FOXP1: variants seen among roughly 807,000 people sequenced by gnomAD.
FOXP1 encodes the protein forkhead box protein P1.
FOXP1 carries 15 observed loss-of-function variants against 98.2 expected under a neutral mutation model. That is an observed-to-expected ratio of 0.15 (90% CI 0.10 to 0.24). The LOEUF is 0.24. FOXP1 is among the 10% of genes least tolerant of loss of function. The probability of loss-of-function intolerance (pLI) is 1.00; values close to 1 mark genes in which losing one functional copy is unlikely to be tolerated. For missense variants in FOXP1, 633 were observed against 848.5 expected (o/e 0.75, Z 3.15); for synonymous variants, 371 against 314.5 (o/e 1.18, Z -1.90).
At chr3:71,433,693 A>G (rs2084942479) in intron 3 of FOXP1, among the ~76,000 whole-genome samples, 1 of 152,170 alleles carries the variant, frequency 6.6e-6, no homozygotes, top group South Asian at 2.1e-4. Context: ...CTTGCAATGT[A>G]TTCTGGAACC....
At chr3:71,128,320 A>AC (rs2059355760) in intron 6 of FOXP1, among the ~76,000 whole-genome samples, 1 of 151,946 alleles carries the variant, frequency 6.6e-6, no homozygotes, top group Non-Finnish European at 1.5e-5. Context: ...AAAAAAAAAA[A>AC]AACGCAAATT....
chr3:71,334,076 T>A (rs2076519733), intron 4 of FOXP1: 1 of 152,098 alleles, frequency 6.6e-6, no homozygotes, highest in Non-Finnish European at 1.5e-5. Flanking sequence ...AAGTATCGAA[T>A]ACTGAAGACA....
intron 7 of FOXP1, among the ~76,000 whole-genome samples, chr3:71,056,499 G>A (rs1228095340): frequency 2.0e-5 from 3 of 152,166 alleles, no homozygotes; most frequent in Non-Finnish European, 4.4e-5. Context: ...GTAATAATAT[G>A]CTTTACAGCA....
At chr3:71,534,787 T>G (rs1422408624) in intron 2 of FOXP1, among the ~76,000 whole-genome samples, 1 of 152,218 alleles carries the variant, frequency 6.6e-6, no homozygotes, top group Non-Finnish European at 1.5e-5. Context: ...ATATTCCAAC[T>G]GTCACTTTTC....
chr3:71,068,558 G>A (rs192117829), intron 7 of FOXP1, among the ~76,000 whole-genome samples: 10 of 152,138 alleles, frequency 6.6e-5, no homozygotes, highest in Admixed American at 2.0e-4. Flanking sequence ...GAAAGGATAC[G>A]AGCATGGGGT....
rs1011133492 is a variant in FOXP1 at position 70,956,013 on chromosome 3, A to C, written c.*3234T>G. 1 of 233,278 alleles carries C rather than the reference A, an allele frequency of 4.3e-6. No homozygotes were observed. The highest frequency in any genetic ancestry group is 6.0e-5 in the East Asian group (1 of 16,570). The allele number at this position is 233,278 out of a possible 1,614,324, so 14.5% of individuals were successfully genotyped here. A position where few individuals can be genotyped will look rare whatever the true frequency, so the allele number is the denominator to read the frequency against. ...CTTAAAGCAAGGATAACTAAATAAAATACATGTGCAGCATATTCTGCAATT... is the reference window on the plus strand; with the variant it reads ...CTTAAAGCAAGGATAACTAAATAAACTACATGTGCAGCATATTCTGCAATT... On this transcript the variant is annotated 3_prime_UTR_variant, in exon 21 of 21. Transcript: ENST00000649528.
At chr3:71,127,587 C>T (rs1209402695) in intron 6 of FOXP1, among the ~76,000 whole-genome samples, 5 of 152,218 alleles carry the variant, frequency 3.3e-5, no homozygotes, top group Admixed American at 3.3e-4. Context: ...AACACTTTCT[C>T]ATGAGACTGC....
At chr3:71,441,894 G>A (rs896148422) in intron 3 of FOXP1, among the ~76,000 whole-genome samples, 5 of 152,130 alleles carry the variant, frequency 3.3e-5, no homozygotes, top group South Asian at 4.1e-4. Flanking sequence ...GGAAATTGGG[G>A]AAAAATTATT....
chr3:71,581,481 G>C (rs2048165928), intron 2 of FOXP1, 68 bp downstream of exon 2: 1 of 985,406 alleles, frequency 1.0e-6, no homozygotes, highest in African/African-American at 1.7e-5. Context: ...TGGGGACGGA[G>C]AACCCCTAGT....
Position 71,480,308 on chromosome 3 carries a change from T to G in FOXP1, c.-168+13118A>C, listed in dbSNP as rs574020458. ...ACTGAGCCGAGTGTCTGGCACACAG[T>G]ATGCTGCTACTGCAGGTACTAGAAC... On this transcript the variant is annotated intron_variant, in intron 3 of 20. Coordinates refer to ENST00000649528, the MANE Select transcript of FOXP1 (RefSeq NM_001349338.3). 7.2e-5 allele frequency among the ~76,000 whole-genome samples: 11 copies of G among 152,300 alleles called. No individual in the cohort carries two copies. The South Asian group carries it at 2.1e-3, about 29-fold the overall frequency.
At chr3:71,568,195 C>A (rs1191197498) in intron 2 of FOXP1, among the ~76,000 whole-genome samples, 1 of 152,076 alleles carries the variant, frequency 6.6e-6, no homozygotes, top group Non-Finnish European at 1.5e-5. Context: ...AATACCCAGT[C>A]CTGGAAATGG....
chr3:71,298,826 A>T (rs1224463623), intron 5 of FOXP1, among the ~76,000 whole-genome samples: 1 of 152,242 alleles, frequency 6.6e-6, no homozygotes. Context: ...CATTATGAAA[A>T]GTTCCACAAA....
chr3:71,025,407 G>C (rs2045978339), intron 11 of FOXP1, among the ~76,000 whole-genome samples: 2 of 152,134 alleles, frequency 1.3e-5, no homozygotes, highest in African/African-American at 4.8e-5. Context: ...TGAGTACCAA[G>C]GATCTTGGGT....
At chr3:71,353,052 G>A in intron 4 of FOXP1, among the ~76,000 whole-genome samples, 1 of 152,158 alleles carries the variant, frequency 6.6e-6, no homozygotes, top group Non-Finnish European at 1.5e-5. Context: ...TCTCCTGGTT[G>A]GAATACCCAG....
intron 3 of FOXP1, among the ~76,000 whole-genome samples, chr3:71,473,049 T>A (rs527756341): frequency 4.6e-5 from 7 of 152,188 alleles, no homozygotes; most frequent in Admixed American, 4.6e-4. Context: ...ACACATAGCC[T>A]AGCACTAGAG....
intron 3 of FOXP1, among the ~76,000 whole-genome samples, chr3:71,374,834 C>G (rs2079604145): frequency 1.3e-5 from 2 of 152,196 alleles, no homozygotes; most frequent in Non-Finnish European, 2.9e-5. Flanking sequence ...ACCTGGTACT[C>G]TCTGAACAGA....
At chr3:71,254,911 A>G (rs2068505276) in intron 5 of FOXP1, among the ~76,000 whole-genome samples, 1 of 152,204 alleles carries the variant, frequency 6.6e-6, no homozygotes. Flanking sequence ...CATTTGAAAT[A>G]CTTGGGAGCA....
intron 3 of FOXP1, among the ~76,000 whole-genome samples, chr3:71,388,954 A>C (rs1011116960): frequency 2.0e-5 from 3 of 152,160 alleles, no homozygotes; most frequent in African/African-American, 7.2e-5. Context: ...TTTTCTGAGA[A>C]ATCGAGATAA....
At chr3:71,473,159 C>T (rs1278206855) in intron 3 of FOXP1, among the ~76,000 whole-genome samples, 2 of 152,126 alleles carry the variant, frequency 1.3e-5, no homozygotes, top group Non-Finnish European at 2.9e-5. Flanking sequence ...CTCACAGGAG[C>T]TCTCTGTGGA....
Sources: allele counts gnomAD v4.1 joint callset (sites outside exome capture counted in the v4.1 genomes callset), GRCh38; gene constraint gnomAD v4.1.1; transcripts MANE v1.5; gene names NCBI Gene and HGNC (gene_info 2026-07-23, HGNC 2026-07-21).